The following GTF2F2 variants were observed in gnomAD, a reference collection of about 807,000 sequenced individuals.
The protein encoded by GTF2F2 is ATP-dependent helicase GTF2F2.
Under a neutral mutation model 42.2 loss-of-function variants are expected in GTF2F2, and 23 were observed. The observed-to-expected ratio is 0.55, with a 90% CI of 0.39 to 0.77. The LOEUF (loss-of-function observed/expected upper bound fraction) is 0.77. Among genes scored for constraint, GTF2F2 ranks in the 30% least tolerant of loss-of-function variants. The pLI, the probability that GTF2F2 is intolerant of heterozygous loss-of-function variation, is 0.00. For missense variants in GTF2F2, 261 were observed against 287.2 expected, an observed-to-expected ratio of 0.91 and a Z score of 0.66; for synonymous variants, 105 against 100.8, an observed-to-expected ratio of 1.04 and a Z score of -0.25.
intron 5 of GTF2F2, among the ~76,000 whole-genome samples, chr13:45,247,802 T>C (rs1283339407): frequency 6.6e-6 from 1 of 152,170 alleles, no homozygotes; most frequent in Non-Finnish European, 1.5e-5. Context: ...CATTCTGAAG[T>C]TACCTAAAAT....
At chr13:45,187,669 G>A (rs1177404072) in intron 4 of GTF2F2, among the ~76,000 whole-genome samples, 2 of 152,210 alleles carry the variant, frequency 1.3e-5, no homozygotes, top group Admixed American at 6.5e-5. Flanking sequence ...TGATTAGGAC[G>A]ATAAGTCGGC....
At chr13:45,165,264 T>C (rs1229523876) in intron 4 of GTF2F2, among the ~76,000 whole-genome samples, 2 of 148,356 alleles carry the variant, frequency 1.3e-5, no homozygotes, top group East Asian at 2.0e-4. Context: ...AAAAAATGTA[T>C]ATTTATATAT....
intron 4 of GTF2F2, among the ~76,000 whole-genome samples, chr13:45,191,072 A>T (rs74784223): frequency 4.2e-4 from 64 of 151,198 alleles, no homozygotes; most frequent in Non-Finnish European, 6.0e-4. Context: ...TATACATTTT[A>T]AAAATATAGT....
At chr13:45,227,774 GC>G (rs1236555537) in intron 5 of GTF2F2, among the ~76,000 whole-genome samples, 3 of 152,176 alleles carry the variant, frequency 2.0e-5, no homozygotes, top group African/African-American at 7.2e-5. Flanking sequence ...CCATGCTGGT[GC>G]TCACTTTTTA....
At chr13:45,213,502 G>C (rs1046224589) in intron 5 of GTF2F2, among the ~76,000 whole-genome samples, 11 of 152,096 alleles carry the variant, frequency 7.2e-5, no homozygotes, top group African/African-American at 2.7e-4. Context: ...TTAGGATCTT[G>C]TGTTCCTCTT....
At chr13:45,181,182 AAAC>A (rs1354964257) in intron 4 of GTF2F2, among the ~76,000 whole-genome samples, 1 of 130,398 alleles carries the variant, frequency 7.7e-6, no homozygotes, top group African/African-American at 4.0e-5. Context: ...ACAAAAAAAC[AAAC>A]AAACAAAAAA....
intron 5 of GTF2F2, among the ~76,000 whole-genome samples, chr13:45,244,724 G>T (rs959640517): frequency 2.0e-5 from 3 of 152,184 alleles, no homozygotes; most frequent in Admixed American, 2.0e-4. Flanking sequence ...AGGCTGGCGT[G>T]CAGTGGCACA....
chr13:45,137,094 C>T (rs1455249293), intron 2 of GTF2F2, among the ~76,000 whole-genome samples: 1 of 152,122 alleles, frequency 6.6e-6, no homozygotes, highest in Non-Finnish European at 1.5e-5. Context: ...GTTCTTTCAC[C>T]CCTCCATCCT....
chr13:45,244,910 G>A (rs1451078221), intron 5 of GTF2F2, among the ~76,000 whole-genome samples: 1 of 152,152 alleles, frequency 6.6e-6, no homozygotes, highest in East Asian at 1.9e-4. Flanking sequence ...AACCTCAAGT[G>A]ATTCGGCCTC....
chr13:45,158,219 A>G (rs1222488100), intron 4 of GTF2F2, among the ~76,000 whole-genome samples: 4 of 152,120 alleles, frequency 2.6e-5, no homozygotes, highest in South Asian at 4.1e-4. Context: ...CTTCCCCCAT[A>G]CTGTTCTTGT....
rs147376638 is a variant in GTF2F2 at position 45,203,308 on chromosome 13, C to T, written c.305-4116C>T. 5.2e-4 allele frequency among the ~76,000 whole-genome samples: 78 copies of T among 150,478 alleles called. No homozygotes were observed. The Middle Eastern group carries it at 0.017, about 33-fold the overall frequency. ...TTGTGTTGCCTGGGCTAGTCTCAAA[C>T]TCCTGGCCTCAAGTGATCTGCCCTC... is the stretch of plus-strand genomic sequence containing the variant. On this transcript the variant is annotated intron_variant, in intron 4 of 7. Transcript: ENST00000340473.
In GTF2F2 at chr13:45,151,842, A is replaced by T. The variant is rs1870509814; in HGVS notation, c.304+11A>T. 3.0e-6 allele frequency: 4 copies of T among 1,350,006 alleles called. No individual in the cohort carries two copies. Among genetic ancestry groups the T allele is most frequent in the Non-Finnish European group, 4.0e-6 (4 of 1,004,324 alleles). 83.6% of individuals were successfully genotyped at this position (1,350,006 alleles called of 1,614,324 possible). ...CTGAGAGCTCATCAGGTAAGTGGGA[A>T]TGGAATTATTTAATGTGATTCCTGT... On this transcript the variant is annotated intron_variant, in intron 4 of 7. Transcript: ENST00000340473.
At chr13:45,226,058 G>GA (rs556429871) in intron 5 of GTF2F2, among the ~76,000 whole-genome samples, 16,040 of 141,994 alleles carry the variant, frequency 0.11, 2,268 homozygotes, top group African/African-American at 0.34. Flanking sequence ...ATTATATCCG[G>GA]AAAAAAAAAA....
chr13:45,264,656 A>G (rs568252889), intron 6 of GTF2F2, among the ~76,000 whole-genome samples: 3 of 151,914 alleles, frequency 2.0e-5, no homozygotes, highest in African/African-American at 7.2e-5. Flanking sequence ...TCCGACCCTT[A>G]CTCTTATCCC....
intron 4 of GTF2F2, chr13:45,194,533 T>A: frequency 6.2e-7 from 1 of 1,612,930 alleles, no homozygotes; most frequent in Non-Finnish European, 8.5e-7. Context: ...TTCATACTCC[T>A]TTTCTTTTTC....
rs750488169 is a variant in GTF2F2, at chr13:45,284,055, C to T, written c.*494C>T. ...TGTTTTTCTTTTAAACAGGTGATCA[C>T]GTTTCGTGTTCATACTCAACGTTAA... On this transcript the variant is annotated 3_prime_UTR_variant, in exon 8 of 8. Coordinates refer to ENST00000340473, the MANE Select transcript of GTF2F2 (RefSeq NM_004128.3). 2 of 152,110 alleles carry T rather than the reference C, an allele frequency of 1.3e-5. No individual in the cohort carries two copies. The highest frequency in any genetic ancestry group is 1.9e-4 in the East Asian group (1 of 5,202). 9.4% of individuals were successfully genotyped at this position (152,110 alleles called of 1,614,324 possible).
intron 7 of GTF2F2, among the ~76,000 whole-genome samples, chr13:45,276,098 G>GTC (rs1327559190): frequency 6.6e-6 from 1 of 152,140 alleles, no homozygotes; most frequent in East Asian, 1.9e-4. Context: ...AAAAGTTTGT[G>GTC]TATGTTCAGT....
At chr13:45,131,244 G>A (rs902538982) in intron 1 of GTF2F2, among the ~76,000 whole-genome samples, 1 of 151,786 alleles carries the variant, frequency 6.6e-6, no homozygotes, top group Non-Finnish European at 1.5e-5. Context: ...AGAAGAGGGG[G>A]GATCCAAGGA....
chr13:45,191,337 A>C (rs1282783032), intron 4 of GTF2F2, among the ~76,000 whole-genome samples: 3 of 148,220 alleles, frequency 2.0e-5, no homozygotes, highest in African/African-American at 7.5e-5. Context: ...TGTTTGGCTC[A>C]TGGCAACTAT....
Sources: allele counts gnomAD v4.1 joint callset (sites outside exome capture counted in the v4.1 genomes callset), GRCh38; gene constraint gnomAD v4.1.1; transcripts MANE v1.5; gene names NCBI Gene and HGNC (gene_info 2026-07-23, HGNC 2026-07-21).